Variants in PRKAR2B observed in about 807,000 individuals in gnomAD.
PRKAR2B encodes the protein cAMP-dependent protein kinase type II-beta regulatory subunit.
In PRKAR2B, 14 loss-of-function variants were observed where a neutral mutation model predicts 49.9. The observed-to-expected ratio is 0.28, with a 90% CI of 0.19 to 0.44. The LOEUF is 0.44. PRKAR2B is among the 20% of genes least tolerant of loss of function. The pLI is 1.00. For synonymous variants in PRKAR2B, 196 were observed against 197.7 expected, an observed-to-expected ratio of 0.99 and a Z score of 0.07; for missense variants, 393 against 537.9, an observed-to-expected ratio of 0.73 and a Z score of 2.67.
chr7:107,110,599 C>T (rs541497090), intron 2 of PRKAR2B, among the ~76,000 whole-genome samples: 1 of 151,296 alleles, frequency 6.6e-6, no homozygotes, highest in African/African-American at 2.4e-5. Flanking sequence ...GGGTGGTACC[C>T]GTTAGAGCCA....
chr7:107,159,513 C>A lies in PRKAR2B; in HGVS notation c.1188C>A (p.Ile396=). The part of the protein sequence containing the change: ...GPCMEIMKRN[I]ATYEEQLVAL... Reference sequence around the variant, plus strand: ...GCATGGAAATTATGAAAAGGAACATCGCTACCTATGAAGAACAGTTAGTTG... The same window carrying A: ...GCATGGAAATTATGAAAAGGAACATAGCTACCTATGAAGAACAGTTAGTTG... The change falls in exon 11 of 11, where the codon ATC becomes ATA. Residue 396 remains isoleucine, a synonymous_variant. Transcript: ENST00000265717. 3 of 1,613,994 alleles carry A rather than the reference C, an allele frequency of 1.9e-6. No homozygotes were observed. The highest frequency in any genetic ancestry group is 2.5e-6 in the Non-Finnish European group (3 of 1,179,924).
intron 2 of PRKAR2B, among the ~76,000 whole-genome samples, chr7:107,098,488 C>G (rs1298347052): frequency 6.6e-6 from 1 of 151,964 alleles, no homozygotes; most frequent in Non-Finnish European, 1.5e-5. Context: ...TTTGTTATTA[C>G]TGATTGTCTG....
At chr7:107,059,159 A>G (rs1423574710) in intron 1 of PRKAR2B, among the ~76,000 whole-genome samples, 1 of 152,146 alleles carries the variant, frequency 6.6e-6, no homozygotes, top group Non-Finnish European at 1.5e-5. Flanking sequence ...GTAATGGCAC[A>G]TGCCTGTAAT....
chr7:107,128,080 A>G (rs1795530862), intron 3 of PRKAR2B, 132 bp from the exon 4 acceptor site: 1 of 636,080 alleles, frequency 1.6e-6, no homozygotes, highest in South Asian at 2.0e-5. Context: ...CTCAGCACCA[A>G]CCTGAAGCAA....
chr7:107,137,197 A>G (rs773005636), intron 4 of PRKAR2B, among the ~76,000 whole-genome samples: 3 of 152,230 alleles, frequency 2.0e-5, no homozygotes, highest in Non-Finnish European at 4.4e-5. Flanking sequence ...TCCACCCAAC[A>G]GTCCCAGTTA....
At chr7:107,099,164 C>T (rs1445317576) in intron 2 of PRKAR2B, among the ~76,000 whole-genome samples, 3 of 152,164 alleles carry the variant, frequency 2.0e-5, no homozygotes, top group Admixed American at 2.0e-4. Context: ...GTGGGCTCCA[C>T]CCAGTTTGAG....
intron 3 of PRKAR2B, among the ~76,000 whole-genome samples, chr7:107,123,206 T>C (rs1250395960): frequency 6.6e-6 from 1 of 152,212 alleles, no homozygotes; most frequent in Non-Finnish European, 1.5e-5. Flanking sequence ...CCTAAATTAA[T>C]GAACATTTGC....
At chr7:107,126,175 C>T (rs1351054959) in intron 3 of PRKAR2B, among the ~76,000 whole-genome samples, 1 of 145,702 alleles carries the variant, frequency 6.9e-6, no homozygotes, top group Non-Finnish European at 1.5e-5. Context: ...GGGCAAATCA[C>T]GAGGTCAGGA....
chr7:107,128,381 C>A, intron 4 of PRKAR2B, 86 bp downstream of exon 4: 1 of 1,019,688 alleles, frequency 9.8e-7, no homozygotes, highest in South Asian at 1.4e-5. Flanking sequence ...GAGTTTTGCC[C>A]TCTTTGTAAG....
intron 2 of PRKAR2B, among the ~76,000 whole-genome samples, chr7:107,107,847 G>T (rs1432411748): frequency 1.3e-5 from 2 of 152,042 alleles, no homozygotes; most frequent in Non-Finnish European, 2.9e-5. Context: ...TAGTAGAGAC[G>T]GGGTTTTACC....
intron 1 of PRKAR2B, among the ~76,000 whole-genome samples, chr7:107,067,517 T>A (rs1296102945): frequency 6.6e-6 from 1 of 152,168 alleles, no homozygotes; most frequent in Non-Finnish European, 1.5e-5. Context: ...CTACTCACGA[T>A]TTAGAAATTG....
intron 2 of PRKAR2B, among the ~76,000 whole-genome samples, chr7:107,092,336 C>T (rs946091873): frequency 2.0e-5 from 3 of 151,448 alleles, no homozygotes; most frequent in Admixed American, 1.3e-4. Flanking sequence ...CAGAAATGGT[C>T]AGGATAGAAT....
At chr7:107,118,472 T>A (rs1314960534) in intron 2 of PRKAR2B, among the ~76,000 whole-genome samples, 2 of 151,344 alleles carry the variant, frequency 1.3e-5, no homozygotes, top group Admixed American at 6.6e-5. Flanking sequence ...AAAAAAAGCA[T>A]TGAGCTAGTA....
intron 10 of PRKAR2B, among the ~76,000 whole-genome samples, chr7:107,157,931 T>C (rs1448307026): frequency 6.6e-6 from 1 of 152,224 alleles, no homozygotes; most frequent in Non-Finnish European, 1.5e-5. Flanking sequence ...ATATGGAGGG[T>C]ATTTTAAGAA....
At chr7:107,064,746 A>AGT (rs1584406980) in intron 1 of PRKAR2B, among the ~76,000 whole-genome samples, 1 of 152,362 alleles carries the variant, frequency 6.6e-6, no homozygotes, top group East Asian at 1.9e-4. Context: ...CTTACAAGAC[A>AGT]GTGATGAGTA....
intron 2 of PRKAR2B, among the ~76,000 whole-genome samples, chr7:107,078,928 A>G (rs1029580540): frequency 2.0e-5 from 3 of 152,174 alleles, no homozygotes; most frequent in African/African-American, 4.8e-5. Context: ...TTCTGCGCCT[A>G]TAGTGTCCTC....
chr7:107,116,323 G>T (rs1371237297), intron 2 of PRKAR2B, among the ~76,000 whole-genome samples: 1 of 152,084 alleles, frequency 6.6e-6, no homozygotes, highest in East Asian at 1.9e-4. Flanking sequence ...CCTGCCCTCT[G>T]AGCTACCGGT....
chr7:107,157,172 A>C lies in PRKAR2B; in HGVS notation c.985-14A>C. 2 of 1,608,316 alleles carry C rather than the reference A, an allele frequency of 1.2e-6. No homozygotes were observed. Among genetic ancestry groups the C allele is most frequent in the Non-Finnish European group, 1.7e-6 (2 of 1,177,314 alleles). On this transcript the variant is annotated splice_polypyrimidine_tract_variant and intron_variant, in intron 9 of 10. Coordinates refer to ENST00000265717, the MANE Select transcript of PRKAR2B (RefSeq NM_002736.3). ...AAGCTGAGGAAAAGCTCATCTTTTT[A>C]ATTGCCTTGTCAGGGTAAATCAGAA...
At chr7:107,117,459 C>T (rs548303782) in intron 2 of PRKAR2B, among the ~76,000 whole-genome samples, 1 of 152,260 alleles carries the variant, frequency 6.6e-6, no homozygotes, top group African/African-American at 2.4e-5. Flanking sequence ...CTCTAAACCA[C>T]GCATTCTGTG....
Sources: allele counts gnomAD v4.1 joint callset (sites outside exome capture counted in the v4.1 genomes callset), GRCh38; gene constraint gnomAD v4.1.1; transcripts MANE v1.5; gene names NCBI Gene and HGNC (gene_info 2026-07-23, HGNC 2026-07-21).